The following TACO1 variants were observed in gnomAD, a reference collection of about 807,000 sequenced individuals.
TACO1 encodes translational activator of cytochrome c oxidase I.
A neutral mutation model predicts 24.0 loss-of-function variants in TACO1; 13 were observed. The ratio of observed to expected loss-of-function variants is 0.54; its 90% CI spans 0.35 to 0.86. The LOEUF is 0.86. Among genes scored for constraint, TACO1 ranks in the 40% least tolerant of loss-of-function variants. TACO1 has a pLI of 0.01. For synonymous variants in TACO1, 149 were observed against 153.5 expected (o/e 0.97, Z 0.22); for missense variants, 352 against 380.1 (o/e 0.93, Z 0.61).
intron 3 of TACO1, 134 bp downstream of exon 3, chr17:63,606,574 T>G: frequency 8.7e-7 from 1 of 1,152,184 alleles, no homozygotes; most frequent in Middle Eastern, 2.2e-4. Flanking sequence ...AGACGGAGTC[T>G]CACTCTTGTC....
intron 1 of TACO1, among the ~76,000 whole-genome samples, chr17:63,601,759 G>A (rs144782998): frequency 2.5e-4 from 38 of 152,272 alleles, no homozygotes; most frequent in African/African-American, 8.9e-4. Context: ...GTTGTGGCAG[G>A]GGCACTGAGT....
intron 1 of TACO1, among the ~76,000 whole-genome samples, chr17:63,602,090 C>CAAAAAAAAAAAAAA (rs11288092): frequency 5.9e-5 from 5 of 84,118 alleles, no homozygotes; most frequent in South Asian, 4.3e-4. Flanking sequence ...CTAAAAATAA[C>CAAAAAAAAAAAAAA]AAAAAAAAAA....
In TACO1 at chr17:63,600,923, G is replaced by C; in HGVS notation, c.-161G>C. 1 of 741,560 alleles carries C rather than the reference G, an allele frequency of 1.3e-6. No individual in the cohort carries two copies. Among genetic ancestry groups the C allele is most frequent in the East Asian group, 2.8e-5 (1 of 36,328 alleles). 45.9% of individuals were successfully genotyped at this position (741,560 alleles called of 1,614,324 possible). On this transcript the variant is annotated 5_prime_UTR_variant, in exon 1 of 5. Transcript: ENST00000258975. ...CCCGGGTGCCGCGGGGACAGTGTAG[G>C]GTCATTAGCTGTTGAGCCGCCCCGG...
chr17:63,601,975 C>A (rs919065594), intron 1 of TACO1, among the ~76,000 whole-genome samples: 6 of 151,276 alleles, frequency 4.0e-5, no homozygotes, highest in Non-Finnish European at 8.8e-5. Flanking sequence ...GGACTTTGGA[C>A]TGGGCGCAGT....
At chr17:63,602,651 G>A (rs182781811) in intron 1 of TACO1, among the ~76,000 whole-genome samples, 3 of 151,796 alleles carry the variant, frequency 2.0e-5, no homozygotes, top group Non-Finnish European at 2.9e-5. Flanking sequence ...TTTAGCCTCC[G>A]GAGTAGCTGG....
chr17:63,604,202 G>A (rs1598044783), intron 1 of TACO1, among the ~76,000 whole-genome samples: 2 of 151,982 alleles, frequency 1.3e-5, no homozygotes, highest in African/African-American at 4.8e-5. Flanking sequence ...GCCGGGTGTG[G>A]TGGTGTGCAC....
intron 2 of TACO1, among the ~76,000 whole-genome samples, chr17:63,605,013 CA>C (rs1367504925): frequency 0.023 from 2,248 of 99,734 alleles, 27 homozygotes; most frequent in African/African-American, 0.058. Flanking sequence ...GACTCTGTCT[CA>C]AAAAAAAAAA....
Position 63,604,456 on chromosome 17 carries a change from T to C in TACO1, c.281-78T>C, listed in dbSNP as rs987155913. On this transcript the variant is annotated intron_variant, in intron 1 of 4. Transcript: ENST00000258975. ...TGCCACTCCTTTGGCTTGGTGGGGC[T>C]GGAAATCCCTTTTATTCTCCCATGT... is the stretch of plus-strand genomic sequence containing the variant. The C allele has an allele frequency of 3.1e-6, 4 of 1,296,186 alleles. No individual in the cohort carries two copies. In the African/African-American group the frequency reaches 5.8e-5, roughly 19 times the overall value. The allele number at this position is 1,296,186 out of a possible 1,614,324, so 80.3% of individuals were successfully genotyped here. A position where few individuals can be genotyped will look rare whatever the true frequency, so the allele number is the denominator to read the frequency against.
At chr17:63,603,441 C>T (rs1230168881) in intron 1 of TACO1, among the ~76,000 whole-genome samples, 4 of 152,138 alleles carry the variant, frequency 2.6e-5, no homozygotes, top group Admixed American at 6.5e-5. Flanking sequence ...CACGGTGCCT[C>T]ATGCCTGTAA....
chr17:63,606,809 A>G (rs1032314198), intron 3 of TACO1: 1 of 365,486 alleles, frequency 2.7e-6, no homozygotes, highest in Admixed American at 4.1e-5. Flanking sequence ...TCAGCCTCCC[A>G]AAGTGCTGGG....
At chr17:63,602,431 T>A (rs989034553) in intron 1 of TACO1, among the ~76,000 whole-genome samples, 3 of 152,100 alleles carry the variant, frequency 2.0e-5, no homozygotes, top group African/African-American at 7.2e-5. Flanking sequence ...AGGCATTCAG[T>A]TAATGTTAAT....
intron 4 of TACO1, among the ~76,000 whole-genome samples, 158 bp downstream of exon 4, chr17:63,607,622 GA>G (rs1205741253): frequency 1.3e-5 from 2 of 152,112 alleles, no homozygotes; most frequent in Non-Finnish European, 2.9e-5. Flanking sequence ...GAATAGGACC[GA>G]CTCTAGTGAG....
In TACO1 at chr17:63,607,828, C is replaced by T; in HGVS notation, c.720C>T (p.His240=). The T allele has an allele frequency of 1.9e-6, 3 of 1,614,128 alleles. No individual in the cohort carries two copies. The highest frequency in any genetic ancestry group is 2.5e-6 in the Non-Finnish European group (3 of 1,180,030). ...FKFICDASSL[H]QVRKKLDSLG... ...TTATTTGTGATGCCTCTTCACTGCA[C>T]CAAGTGAGGAAGAAGCTGGACTCCC... The change falls in exon 5 of 5, where the codon CAC becomes CAT. Residue 240 remains histidine (H), a synonymous_variant. Transcript: ENST00000258975.
Position 63,607,881 on chromosome 17 carries a change from T to C in TACO1, c.773T>C (p.Leu258Pro), listed in dbSNP as rs756256268. ...GGCCTGTGTTCTGTGTCCTGTGCAC[T>C]AGAGTTCATCCCCAACTCAAAGGTG... ...SLGLCSVSCA[L>P]EFIPNSKVQL... Residue 258 changes from leucine to proline, a missense_variant, in exon 5 of 5, where the codon CTA becomes CCA. Coordinates refer to ENST00000258975, the MANE Select transcript of TACO1 (RefSeq NM_016360.4). 6.2e-7 allele frequency: 1 copy of C among 1,614,208 alleles called. No individual in the cohort carries two copies. The highest frequency in any genetic ancestry group is 8.5e-7 in the Non-Finnish European group (1 of 1,180,038).
At chr17:63,602,155 G>A (rs1451623550) in intron 1 of TACO1, among the ~76,000 whole-genome samples, 2 of 150,770 alleles carry the variant, frequency 1.3e-5, no homozygotes, top group African/African-American at 4.9e-5. Context: ...GGCTACTCGG[G>A]AGGCTGAAGC....
At chr17:63,605,889 A>T (rs549775046) in intron 2 of TACO1, among the ~76,000 whole-genome samples, 40 of 152,330 alleles carry the variant, frequency 2.6e-4, no homozygotes, top group Non-Finnish European at 4.7e-4. Flanking sequence ...TGCTGTTTTC[A>T]GCAGCTCTTA....
intron 2 of TACO1, 93 bp downstream of exon 2, chr17:63,604,733 G>A: frequency 8.6e-7 from 1 of 1,168,076 alleles, no homozygotes; most frequent in Non-Finnish European, 1.3e-6. Context: ...TATCAGAGGG[G>A]CCAAGTGCAG....
intron 2 of TACO1, 91 bp from the exon 3 acceptor site, chr17:63,606,222 A>G (rs181476871): frequency 2.4e-5 from 36 of 1,519,956 alleles, no homozygotes; most frequent in Non-Finnish European, 3.1e-5. Flanking sequence ...AGCCCATCCC[A>G]TGGAGTTAGT....
chr17:63,600,912 G>A lies in TACO1; in HGVS notation c.-172G>A. 1 of 658,742 alleles carries A rather than the reference G, an allele frequency of 1.5e-6. No individual in the cohort carries two copies. The highest frequency in any genetic ancestry group is 2.5e-6 in the Non-Finnish European group (1 of 398,792). The allele number at this position is 658,742 out of a possible 1,614,324, so 40.8% of individuals were successfully genotyped here. Reference sequence around the variant, plus strand: ...GGGCCCCCAGTCCCGGGTGCCGCGGGGACAGTGTAGGGTCATTAGCTGTTG... The same window carrying A: ...GGGCCCCCAGTCCCGGGTGCCGCGGAGACAGTGTAGGGTCATTAGCTGTTG... On this transcript the variant is annotated 5_prime_UTR_variant, in exon 1 of 5. Coordinates refer to ENST00000258975, the MANE Select transcript of TACO1 (RefSeq NM_016360.4).
Sources: allele counts gnomAD v4.1 joint callset (sites outside exome capture counted in the v4.1 genomes callset), GRCh38; gene constraint gnomAD v4.1.1; transcripts MANE v1.5; gene names NCBI Gene and HGNC (gene_info 2026-07-23, HGNC 2026-07-21).